Variants in ZNF257 observed in about 807,000 individuals in gnomAD.
The protein encoded by ZNF257 is bone marrow zinc finger 4.
A neutral mutation model predicts 11.9 loss-of-function variants in ZNF257; 12 were observed. The observed-to-expected ratio is 1.01, with a 90% CI of 0.65 to 1.63. The LOEUF (loss-of-function observed/expected upper bound fraction) is 1.63. Among genes scored for constraint, ZNF257 ranks in the 40% most tolerant of loss-of-function variants. ZNF257 has a pLI of 0.00. For synonymous variants in ZNF257, 183 were observed against 222.7 expected (o/e 0.82, Z 1.59); for missense variants, 580 against 665.5 (o/e 0.87, Z 1.41).
rs1304342326 is a variant in ZNF257 at position 22,052,527 on chromosome 19, C to T, written c.-106C>T. ...GCCCGAGCTGCAGGTCTCGTCTTCCCTGGTCTGTGTCCTCTTCTCCTAGGG... is the reference window on the plus strand; with the variant it reads ...GCCCGAGCTGCAGGTCTCGTCTTCCTTGGTCTGTGTCCTCTTCTCCTAGGG... On this transcript the variant is annotated 5_prime_UTR_variant, in exon 1 of 4. Transcript: ENST00000594947. 2.1e-6 allele frequency: 3 copies of T among 1,401,182 alleles called. No homozygotes were observed. The highest frequency in any genetic ancestry group is 1.8e-4 in the Middle Eastern group (1 of 5,492). 86.8% of individuals were successfully genotyped at this position (1,401,182 alleles called of 1,614,324 possible). A position where few individuals can be genotyped will look rare whatever the true frequency, so the allele number is the denominator to read the frequency against.
intron 3 of ZNF257, chr19:22,087,667 G>A (rs1196579962): frequency 3.5e-6 from 3 of 853,020 alleles, no homozygotes; most frequent in Admixed American, 4.1e-5. Flanking sequence ...AGGGCACTAT[G>A]TTATACTGAG....
intron 3 of ZNF257, chr19:22,087,662 A>G (rs1470188979): frequency 2.3e-6 from 2 of 871,250 alleles, no homozygotes; most frequent in Non-Finnish European, 3.0e-6. Flanking sequence ...TTCTAAGGGC[A>G]CTATGTTATA....
At position 22,088,254 on chromosome 19, in the gene ZNF257, TGAAAA is replaced by T; in HGVS notation, c.510_514del (p.Lys170AsnfsTer5). 1.9e-6 allele frequency: 3 copies of T among 1,613,250 alleles called. No homozygotes were observed. The highest frequency in any genetic ancestry group is 2.5e-6 in the Non-Finnish European group (3 of 1,179,594). ...CAGATAGACATAAGATAAGACATAC[TGAAAA>T]GAAAACTTGCAAATGTAAAGAATGT... On this transcript the variant is annotated frameshift_variant, in exon 4 of 4. Transcript: ENST00000594947. LOFTEE classifies it low-confidence loss of function (END_TRUNC).
chr19:22,059,859 A>T (rs1263403116), intron 1 of ZNF257, among the ~76,000 whole-genome samples: 1 of 151,544 alleles, frequency 6.6e-6, no homozygotes, highest in Non-Finnish European at 1.5e-5. Flanking sequence ...AGTAGCTGGG[A>T]CTATAGTCAC....
rs751823819 is a variant in ZNF257, at chr19:22,087,991, A to G, written c.241A>G (p.Ile81Val). 37 of 1,461,800 alleles carry G rather than the reference A, an allele frequency of 2.5e-5. No individual in the cohort carries two copies. The highest frequency in any genetic ancestry group is 4.9e-5 in the Admixed American group (2 of 41,152). The allele number at this position is 1,461,800 out of a possible 1,614,324, so 90.6% of individuals were successfully genotyped here. Reference protein sequence around the residue: ...VAKPPVMCSHIAEDLCPERDI... With the variant: ...VAKPPVMCSHVAEDLCPERDI... ...ATTTCTTTTAGTTATGTGTTCTCAT[A>G]TTGCTGAAGACCTTTGCCCAGAGCG... Residue 81 changes from isoleucine (I) to valine (V), a missense_variant, in exon 4 of 4, where the codon ATT becomes GTT. Coordinates refer to ENST00000594947, the MANE Select transcript of ZNF257 (RefSeq NM_033468.4).
At chr19:22,085,141 C>T (rs1483102000) in intron 3 of ZNF257, among the ~76,000 whole-genome samples, 2 of 152,078 alleles carry the variant, frequency 1.3e-5, no homozygotes, top group Admixed American at 6.6e-5. Context: ...CAACCTCCGC[C>T]TCCTGGGTCC....
chr19:22,055,954 C>G (rs929691154), intron 1 of ZNF257, among the ~76,000 whole-genome samples: 5 of 150,616 alleles, frequency 3.3e-5, no homozygotes, highest in Non-Finnish European at 5.9e-5. Context: ...ACTCGGGAGG[C>G]TGAGGCAGGA....
At chr19:22,073,698 C>A in intron 3 of ZNF257, 134 bp downstream of exon 3, 2 of 1,216,744 alleles carry the variant, frequency 1.6e-6, no homozygotes, top group Non-Finnish European at 2.3e-6. Flanking sequence ...CCTGAGTTTG[C>A]ATTTTTTTTT....
intron 1 of ZNF257, chr19:22,064,196 T>A (rs940273645): frequency 6.6e-6 from 1 of 152,084 alleles, no homozygotes; most frequent in African/African-American, 2.4e-5. Flanking sequence ...CTGGCTGTTG[T>A]AGAAAAAAAT....
chr19:22,068,156 CTTTTTTTTT>C (rs758701719), intron 1 of ZNF257, among the ~76,000 whole-genome samples: 1 of 121,246 alleles, frequency 8.2e-6, no homozygotes, highest in Non-Finnish European at 1.7e-5. Flanking sequence ...CTCTGTCCCT[CTTTTTTTTT>C]TTTTTTTTTT....
At chr19:22,085,437 T>G (rs1225913908) in intron 3 of ZNF257, among the ~76,000 whole-genome samples, 2 of 152,072 alleles carry the variant, frequency 1.3e-5, no homozygotes, top group Non-Finnish European at 2.9e-5. Context: ...ATCAAAAAGA[T>G]TGTATGAGCT....
intron 1 of ZNF257, among the ~76,000 whole-genome samples, chr19:22,072,296 T>G (rs778613723): frequency 2.0e-5 from 3 of 152,184 alleles, no homozygotes; most frequent in Non-Finnish European, 4.4e-5. Context: ...TTTTATCTGG[T>G]AGCTGCCCCT....
chr19:22,088,983 G>A lies in ZNF257; in HGVS notation c.1233G>A (p.Trp411Ter). 6.2e-7 allele frequency: 1 copy of A among 1,609,308 alleles called. No individual in the cohort carries two copies. The highest frequency in any genetic ancestry group is 8.5e-7 in the Non-Finnish European group (1 of 1,179,020). ...KCDEYCKAFNWSSALTTLTQH... is the reference protein window; with the variant it reads ...KCDEYCKAFN ...ATGAATATTGCAAAGCTTTTAACTG[G>A]TCCTCAGCTCTTACTACCCTTACTC... Residue 411 changes from tryptophan (W) to a stop codon, truncating the protein, a stop_gained, in exon 4 of 4, where the codon TGG becomes TGA. Coordinates refer to ENST00000594947, the MANE Select transcript of ZNF257 (RefSeq NM_033468.4). LOFTEE classifies it low-confidence loss of function (END_TRUNC).
In ZNF257 at chr19:22,088,662, T is replaced by A. The variant is rs1234025263; in HGVS notation, c.912T>A (p.Thr304=). The A allele has an allele frequency of 6.2e-7, 1 of 1,613,410 alleles. No individual in the cohort carries two copies. Among genetic ancestry groups the A allele is most frequent in the African/African-American group, 1.3e-5 (1 of 74,756 alleles). Residue 304 remains threonine (T), a synonymous_variant, in exon 4 of 4, where the codon ACT becomes ACA. Coordinates refer to ENST00000594947, the MANE Select transcript of ZNF257 (RefSeq NM_033468.4). ...FKWSSALTTL[T]QHKRIHTGEK... ...GGTCCTCAGCTCTTACTACCCTTACTCAACATAAGAGAATTCATACTGGAG... is the reference window on the plus strand; with the variant it reads ...GGTCCTCAGCTCTTACTACCCTTACACAACATAAGAGAATTCATACTGGAG...
At chr19:22,081,517 T>A (rs1327362032) in intron 3 of ZNF257, among the ~76,000 whole-genome samples, 2 of 152,042 alleles carry the variant, frequency 1.3e-5, no homozygotes, top group East Asian at 3.9e-4. Flanking sequence ...TTTAATTTTT[T>A]AAATATAATT....
chr19:22,057,812 T>C (rs2021684396), intron 1 of ZNF257, among the ~76,000 whole-genome samples: 1 of 152,092 alleles, frequency 6.6e-6, no homozygotes, highest in Non-Finnish European at 1.5e-5. Context: ...CAGGCTGGAG[T>C]GCAATGGTGT....
chr19:22,088,512 G>T lies in ZNF257; in HGVS notation c.762G>T (p.Glu254Asp). The T allele has an allele frequency of 6.2e-7, 1 of 1,613,746 alleles. No homozygotes were observed. The highest frequency in any genetic ancestry group is 8.5e-7 in the Non-Finnish European group (1 of 1,179,868). The change falls in exon 4 of 4, where the codon GAG becomes GAT. Residue 254 changes from glutamate (E) to aspartate (D), a missense_variant. Transcript: ENST00000594947. ...LTQHKVIHTR[E>D]KPYKCEECGK... The stretch of plus-strand genomic sequence containing the variant: ...AACATAAGGTAATTCATACTAGAGA[G>T]AAACCCTACAAATGTGAAGAGTGTG...
At chr19:22,084,896 A>AT (rs1452898503) in intron 3 of ZNF257, among the ~76,000 whole-genome samples, 1 of 151,790 alleles carries the variant, frequency 6.6e-6, no homozygotes, top group Non-Finnish European at 1.5e-5. Context: ...GGCCCAGTTA[A>AT]TTTTTTATTT....
chr19:22,088,918 CATAAG>C lies in ZNF257; in HGVS notation c.1170_1174del (p.His390GlnfsTer5). ...TAACCGGTCTTCACACCTTACTAAA[CATAAG>C]AGAATTCATACTAGAGAGAAGGCCT... On this transcript the variant is annotated frameshift_variant, in exon 4 of 4. Transcript: ENST00000594947. LOFTEE classifies it low-confidence loss of function (END_TRUNC). 6.2e-7 allele frequency: 1 copy of C among 1,612,684 alleles called. No homozygotes were observed. Among genetic ancestry groups the C allele is most frequent in the Non-Finnish European group, 8.5e-7 (1 of 1,179,288 alleles).
Sources: gnomAD v4.1 joint callset for allele counts (sites outside exome capture counted in the v4.1 genomes callset) on GRCh38, gnomAD v4.1.1 for gene constraint, MANE v1.5 for transcripts, NCBI Gene and HGNC (gene_info 2026-07-23, HGNC 2026-07-21) for gene names.